Variants in NR3C2 observed in about 807,000 individuals in gnomAD.
NR3C2 encodes the protein nuclear receptor subfamily 3 group C member 2, also known as mineralocorticoid receptor.
In NR3C2, 15 loss-of-function variants were observed where a neutral mutation model predicts 86.4. The observed-to-expected ratio is 0.17, with a 90% CI of 0.12 to 0.27. NR3C2 has a LOEUF of 0.27. Among genes scored for constraint, NR3C2 ranks in the 10% least tolerant of loss-of-function variants. The probability of loss-of-function intolerance (pLI) is 1.00; values close to 1 mark genes in which losing one functional copy is unlikely to be tolerated. For missense variants in NR3C2, 960 were observed against 1,195.6 expected, an observed-to-expected ratio of 0.80 and a Z score of 2.91; for synonymous variants, 458 against 450.5, an observed-to-expected ratio of 1.02 and a Z score of -0.21.
At chr4:148,157,281 T>C (rs1003077585) in intron 4 of NR3C2, among the ~76,000 whole-genome samples, 7 of 151,882 alleles carry the variant, frequency 4.6e-5, no homozygotes, top group African/African-American at 1.4e-4. Flanking sequence ...ATTGTGCACA[T>C]GTACCCTAAA....
At chr4:148,423,686 T>C (rs1463959770) in intron 2 of NR3C2, among the ~76,000 whole-genome samples, 2 of 152,224 alleles carry the variant, frequency 1.3e-5, no homozygotes, top group Non-Finnish European at 2.9e-5. Context: ...GAGTGGGGAC[T>C]AAATAATTTG....
intron 6 of NR3C2, among the ~76,000 whole-genome samples, chr4:148,147,885 A>C (rs1306447090): frequency 6.6e-6 from 1 of 152,216 alleles, no homozygotes; most frequent in African/African-American, 2.4e-5. Context: ...TTCACACCTC[A>C]CTGGGATCAC....
At chr4:148,419,535 T>C (rs1436067865) in intron 2 of NR3C2, among the ~76,000 whole-genome samples, 2 of 152,226 alleles carry the variant, frequency 1.3e-5, no homozygotes, top group Non-Finnish European at 2.9e-5. Flanking sequence ...TACGTACTCT[T>C]AGGTGGATAA....
In NR3C2 at chr4:148,376,591, T is replaced by G. The variant is rs185078825; in HGVS notation, c.1757+58513A>C. On this transcript the variant is annotated intron_variant, in intron 2 of 8. Coordinates refer to ENST00000358102, the MANE Select transcript of NR3C2 (RefSeq NM_000901.5). ...ACTTTCAGTAATCATTTATTTTACT[T>G]ATAAAAATGCAACCTATCTATTAAT... is the stretch of plus-strand genomic sequence containing the variant. Among the ~76,000 whole-genome samples, 6 of 152,314 alleles carry G rather than the reference T, an allele frequency of 3.9e-5. No homozygotes were observed. The East Asian group carries it at 9.6e-4, about 24-fold the overall frequency.
intron 6 of NR3C2, among the ~76,000 whole-genome samples, chr4:148,136,248 C>T (rs1238418029): frequency 6.6e-6 from 1 of 151,402 alleles, no homozygotes; most frequent in Non-Finnish European, 1.5e-5. Context: ...GTCCCACTCA[C>T]TCTACATGAG....
At position 148,082,349 on chromosome 4, in the gene NR3C2, T is replaced by C. The variant is rs184248781; in HGVS notation, c.2800-850A>G. 2.1e-3 allele frequency among the ~76,000 whole-genome samples: 318 copies of C among 152,296 alleles called. 1 individual carries two copies. Among genetic ancestry groups the C allele is most frequent in the Non-Finnish European group, 3.4e-3 (233 of 68,010 alleles). On this transcript the variant is annotated intron_variant, in intron 8 of 8. Coordinates refer to ENST00000358102, the MANE Select transcript of NR3C2 (RefSeq NM_000901.5). ...TGCACAAGGTGGGTGATTGCTGCATTTCCAACTGAGGTACCCGGCTTATCT... is the reference window on the plus strand; with the variant it reads ...TGCACAAGGTGGGTGATTGCTGCATCTCCAACTGAGGTACCCGGCTTATCT...
chr4:148,105,488 A>G (rs137916443), intron 8 of NR3C2, among the ~76,000 whole-genome samples: 4,055 of 152,302 alleles, frequency 0.027, 185 homozygotes, highest in African/African-American at 0.092. Context: ...ACTATTTCAA[A>G]CAATAGAAAA....
chr4:148,188,860 G>A (rs1736062094), intron 4 of NR3C2, among the ~76,000 whole-genome samples: 1 of 151,510 alleles, frequency 6.6e-6, no homozygotes, highest in Non-Finnish European at 1.5e-5. Flanking sequence ...TATCATGTTG[G>A]CTGTGGGTTT....
chr4:148,364,782 A>G (rs1746024994), intron 2 of NR3C2, among the ~76,000 whole-genome samples: 1 of 150,652 alleles, frequency 6.6e-6, no homozygotes, highest in East Asian at 2.0e-4. Context: ...CCTTATCCAA[A>G]TTGCTCGGGA....
At chr4:148,275,424 C>T (rs1740909933) in intron 2 of NR3C2, among the ~76,000 whole-genome samples, 1 of 151,688 alleles carries the variant, frequency 6.6e-6, no homozygotes, top group Non-Finnish European at 1.5e-5. Context: ...ATAAGCCAAT[C>T]TTATCTTATC....
At position 148,080,896 on chromosome 4, in the gene NR3C2, T is replaced by TAAC. The variant is rs745452234; in HGVS notation, c.*445_*447dup. 1 of 359,776 alleles carries TAAC rather than the reference T, an allele frequency of 2.8e-6. No homozygotes were observed. Among genetic ancestry groups the TAAC allele is most frequent in the Admixed American group, 3.4e-5 (1 of 29,484 alleles). 22.3% of individuals were successfully genotyped at this position (359,776 alleles called of 1,614,324 possible). A position where few individuals can be genotyped will look rare whatever the true frequency, so the allele number is the denominator to read the frequency against. On this transcript the variant is annotated 3_prime_UTR_variant, in exon 9 of 9. Coordinates refer to ENST00000358102, the MANE Select transcript of NR3C2 (RefSeq NM_000901.5). ...TTATTATTTTTTTGTGTTTTTTTAA[T>TAAC]AACAAAAGAATATTAATGCCCCATA...
At chr4:148,431,353 G>A (rs1187735082) in intron 2 of NR3C2, among the ~76,000 whole-genome samples, 1 of 152,138 alleles carries the variant, frequency 6.6e-6, no homozygotes, top group Non-Finnish European at 1.5e-5. Flanking sequence ...GTATGTTAAA[G>A]GATACTCTAT....
At chr4:148,108,226 C>T (rs570142266) in intron 8 of NR3C2, among the ~76,000 whole-genome samples, 1 of 152,190 alleles carries the variant, frequency 6.6e-6, no homozygotes, top group East Asian at 1.9e-4. Flanking sequence ...ACCTCAGCCT[C>T]CCAAGTAGCT....
chr4:148,091,516 G>C (rs1731060340), intron 8 of NR3C2, among the ~76,000 whole-genome samples: 1 of 152,238 alleles, frequency 6.6e-6, no homozygotes, highest in South Asian at 2.1e-4. Context: ...AAGACCAGGA[G>C]AGCTGGGTGA....
At chr4:148,297,231 C>T (rs1049380568) in intron 2 of NR3C2, among the ~76,000 whole-genome samples, 2 of 152,172 alleles carry the variant, frequency 1.3e-5, no homozygotes, top group Non-Finnish European at 2.9e-5. Flanking sequence ...CTATTAAAAA[C>T]ATAAATTTCC....
chr4:148,303,572 C>A (rs1423602177), intron 2 of NR3C2, among the ~76,000 whole-genome samples: 1 of 152,070 alleles, frequency 6.6e-6, no homozygotes, highest in Non-Finnish European at 1.5e-5. Context: ...CACAGCTTCA[C>A]CTTAGTATTC....
At chr4:148,391,179 C>T (rs1176764409) in intron 2 of NR3C2, among the ~76,000 whole-genome samples, 1 of 152,168 alleles carries the variant, frequency 6.6e-6, no homozygotes, top group Non-Finnish European at 1.5e-5. Flanking sequence ...CAAACAGGGT[C>T]TCAGCCTCTT....
chr4:148,260,502 T>C (rs1385454281), intron 2 of NR3C2, among the ~76,000 whole-genome samples: 4 of 152,200 alleles, frequency 2.6e-5, no homozygotes, highest in African/African-American at 9.6e-5. Flanking sequence ...CAAAGAGCTA[T>C]TATAATATTA....
Position 148,160,045 on chromosome 4 carries a change from C to T in NR3C2, c.2015-5144G>A, listed in dbSNP as rs76685494. Among the ~76,000 whole-genome samples, 7 of 152,258 alleles carry T rather than the reference C, an allele frequency of 4.6e-5. No homozygotes were observed. The East Asian group carries it at 1.4e-3, about 29-fold the overall frequency. The stretch of plus-strand genomic sequence containing the variant: ...ATGTGACTGTAAATGTCTCCCAGTC[C>T]CAATTAAACTCACTTAAAAGAGGAG... On this transcript the variant is annotated intron_variant, in intron 4 of 8. Transcript: ENST00000358102.
Sources: allele counts gnomAD v4.1 joint callset (sites outside exome capture counted in the v4.1 genomes callset), GRCh38; gene constraint gnomAD v4.1.1; transcripts MANE v1.5; gene names NCBI Gene and HGNC (gene_info 2026-07-23, HGNC 2026-07-21).